The following RMP64 variants were observed in gnomAD, a reference collection of about 807,000 sequenced individuals.
RMP64 encodes ribonuclease MRP subunit p64.
chr3:113,015,607 T>C, the RMP64 span, among the ~76,000 whole-genome samples: 1 of 149,676 alleles, frequency 6.7e-6, no homozygotes, highest in Non-Finnish European at 1.5e-5. Context: ...TGTGTTCCAT[T>C]TAGGGGAATG....
chr3:113,008,123 A>G, the RMP64 span: 1 of 1,559,332 alleles, frequency 6.4e-7, no homozygotes, highest in Non-Finnish European at 8.8e-7. Flanking sequence ...TTTTACTCAT[A>G]ACAACAACAG....
chr3:113,009,348 G>T, the RMP64 span: 1 of 151,946 alleles, frequency 6.6e-6, no homozygotes, highest in Non-Finnish European at 1.5e-5. Flanking sequence ...AAATATAAAA[G>T]TAATGACCCA....
chr3:113,015,553 A>G, the RMP64 span, among the ~76,000 whole-genome samples: 1 of 152,196 alleles, frequency 6.6e-6, no homozygotes, highest in East Asian at 1.9e-4. Flanking sequence ...ATCTGCCAGC[A>G]TGCCCTACAT....
chr3:113,014,004 T>C, the RMP64 span: 2 of 1,613,514 alleles, frequency 1.2e-6, no homozygotes, highest in Non-Finnish European at 1.7e-6. Flanking sequence ...CAAATTCATG[T>C]TTTTCAAACG....
the RMP64 span, chr3:113,011,392 C>G: frequency 1.3e-6 from 2 of 1,575,068 alleles, no homozygotes; most frequent in Non-Finnish European, 1.7e-6. Context: ...TTTTAAGACA[C>G]CTTTATAGAG....
chr3:113,008,174 G>A, the RMP64 span: 8 of 1,613,668 alleles, frequency 5.0e-6, no homozygotes, highest in Middle Eastern at 1.6e-4. Context: ...TACCTACCTA[G>A]TACCTTGAGC....
At chr3:113,011,018 A>C in the RMP64 span, 5 of 1,549,840 alleles carry the variant, frequency 3.2e-6, no homozygotes, top group Non-Finnish European at 4.3e-6. Flanking sequence ...GTTTTACTAG[A>C]GTATGTGCTG....
At chr3:113,015,219 CT>C in the RMP64 span, among the ~76,000 whole-genome samples, 6 of 152,064 alleles carry the variant, frequency 3.9e-5, no homozygotes, top group African/African-American at 1.4e-4. Context: ...ATGGCTCTTA[CT>C]TTTTTTAAAA....
At chr3:113,003,076 G>C in the RMP64 span, 2 of 152,818 alleles carry the variant, frequency 1.3e-5, no homozygotes, top group Non-Finnish European at 2.9e-5. Flanking sequence ...GTTGGTACTA[G>C]GATGTGGGTA....
the RMP64 span, chr3:113,008,488 TGAC>T: frequency 1.7e-5 from 25 of 1,428,734 alleles, no homozygotes; most frequent in Non-Finnish European, 2.4e-5. Flanking sequence ...TGTAATTATA[TGAC>T]AACAAGGAAA....
the RMP64 span, among the ~76,000 whole-genome samples, chr3:113,006,819 C>CAT: frequency 2.0e-5 from 3 of 152,182 alleles, no homozygotes; most frequent in African/African-American, 7.2e-5. Flanking sequence ...GAAAGGAAAA[C>CAT]AGAGGGCCTG....
the RMP64 span, chr3:113,003,728 A>AGTT: frequency 6.6e-6 from 1 of 151,900 alleles, no homozygotes; most frequent in Non-Finnish European, 1.5e-5. Flanking sequence ...TAAGCTCCAA[A>AGTT]GTTTATTTCA....
the RMP64 span, chr3:113,005,311 A>G: frequency 1.5e-5 from 8 of 534,590 alleles, no homozygotes; most frequent in Non-Finnish European, 2.4e-5. Context: ...CAGATTTTTC[A>G]TATTAACACC....
chr3:113,014,043 A>G, the RMP64 span: 2 of 1,587,296 alleles, frequency 1.3e-6, no homozygotes, highest in Non-Finnish European at 1.7e-6. Flanking sequence ...CTGAAAGAAG[A>G]AGAGCAGTTC....
chr3:113,005,768 T>C, the RMP64 span: 1 of 1,613,890 alleles, frequency 6.2e-7, no homozygotes, highest in Non-Finnish European at 8.5e-7. Context: ...CACAGTACAG[T>C]GTGAGAGTCT....
chr3:113,005,793 T>C, the RMP64 span: 16 of 1,613,880 alleles, frequency 9.9e-6, no homozygotes, highest in South Asian at 1.6e-4. Flanking sequence ...TTAGCACTGG[T>C]ATCTGTAGCA....
the RMP64 span, among the ~76,000 whole-genome samples, chr3:113,010,058 G>C: frequency 6.6e-6 from 1 of 151,056 alleles, no homozygotes. Flanking sequence ...AGAATTTACA[G>C]ACATTAATCA....
chr3:113,008,202 G>A, the RMP64 span: 529 of 1,613,936 alleles, frequency 3.3e-4, no homozygotes, highest in Non-Finnish European at 3.9e-4. Flanking sequence ...TGTTTAAGCC[G>A]GTTGCTTTTA....
At chr3:113,011,359 G>A in the RMP64 span, 8 of 1,602,854 alleles carry the variant, frequency 5.0e-6, no homozygotes, top group Admixed American at 1.8e-5. Context: ...TCCAAACAAA[G>A]GCTCATATAA....
Sources: gnomAD v4.1 joint callset for allele counts (sites outside exome capture counted in the v4.1 genomes callset) on GRCh38, gnomAD v4.1.1 for gene constraint, MANE v1.5 for transcripts, NCBI Gene and HGNC (gene_info 2026-07-23, HGNC 2026-07-21) for gene names.